The following ARID3B variants were observed in gnomAD, a reference collection of about 807,000 sequenced individuals.
ARID3B encodes AT-rich interactive domain-containing protein 3B.
A neutral mutation model predicts 51.9 loss-of-function variants in ARID3B; 10 were observed. That is an observed-to-expected ratio of 0.19 (90% CI 0.12 to 0.33). The LOEUF (loss-of-function observed/expected upper bound fraction) is 0.33, where lower values mean the gene tolerates loss of function less well. ARID3B is among the 10% of genes least tolerant of loss of function. The pLI, the probability that ARID3B is intolerant of heterozygous loss-of-function variation, is 1.00. For synonymous variants in ARID3B, 205 were observed against 279.5 expected, an observed-to-expected ratio of 0.73 and a Z score of 2.66; for missense variants, 483 against 716.3, an observed-to-expected ratio of 0.67 and a Z score of 3.72.
intron 1 of ARID3B, among the ~76,000 whole-genome samples, chr15:74,542,532 A>T (rs192198189): frequency 1.6e-4 from 24 of 152,342 alleles, no homozygotes; most frequent in Non-Finnish European, 3.2e-4. Context: ...TTTTTACTCT[A>T]ACCTGGAAAA....
chr15:74,587,399 C>CA lies in ARID3B; in HGVS notation c.698-2420dup, dbSNP rs1168591064. Among the ~76,000 whole-genome samples, 14 of 152,280 alleles carry CA rather than the reference C, an allele frequency of 9.2e-5. No homozygotes were observed. In the East Asian group the frequency reaches 2.7e-3, roughly 29 times the overall value. On this transcript the variant is annotated intron_variant, in intron 4 of 8. Coordinates refer to ENST00000346246, the MANE Select transcript of ARID3B (RefSeq NM_006465.4). ...GGGAGAGGAGAGGAGCCAGTGCTGA[C>CA]ACGAGGTTCCTGCCTTCCTGCCTAA...
In ARID3B at chr15:74,591,184, G is replaced by A. The variant is rs148734605; in HGVS notation, c.915G>A (p.Glu305=). The change falls in exon 6 of 9, where the codon GAG becomes GAA. Residue 305 remains glutamate (E), a synonymous_variant. Transcript: ENST00000346246. This position sits in a 1 kb window ranked among gnomAD's most constrained non-coding sequence, Gnocchi z 5.8. ...YMKYLYAYEC[E]KKALSSPAEL... ...AGTATCTGTATGCCTATGAGTGTGAGAAGAAAGCCTTGAGTTCCCCAGCCG... is the reference window on the plus strand; with the variant it reads ...AGTATCTGTATGCCTATGAGTGTGAAAAGAAAGCCTTGAGTTCCCCAGCCG... 1.2e-6 allele frequency: 2 copies of A among 1,611,968 alleles called. No homozygotes were observed. Among genetic ancestry groups the A allele is most frequent in the African/African-American group, 1.3e-5 (1 of 75,016 alleles).
At chr15:74,569,228 C>G (rs2061710518) in intron 2 of ARID3B, among the ~76,000 whole-genome samples, 1 of 152,174 alleles carries the variant, frequency 6.6e-6, no homozygotes, top group African/African-American at 2.4e-5. Flanking sequence ...CTGGTTAAGC[C>G]TGTAACCCAC....
rs1358231796 is a variant in ARID3B, at chr15:74,597,136, C to T, written c.*1362C>T. The T allele has an allele frequency of 4.0e-6, 1 of 250,264 alleles. No homozygotes were observed. Among genetic ancestry groups the T allele is most frequent in the Non-Finnish European group, 7.8e-6 (1 of 128,772 alleles). 15.5% of individuals were successfully genotyped at this position (250,264 alleles called of 1,614,324 possible). On this transcript the variant is annotated 3_prime_UTR_variant, in exon 9 of 9. Transcript: ENST00000346246. Reference sequence around the variant, plus strand: ...GGGCACAGGCAGGCTGGGGTCCTCGCTGGCCTTGCCAGAGGTTGAGCCGCC... The same window carrying T: ...GGGCACAGGCAGGCTGGGGTCCTCGTTGGCCTTGCCAGAGGTTGAGCCGCC...
intron 2 of ARID3B, among the ~76,000 whole-genome samples, chr15:74,555,199 C>A (rs933013974): frequency 2.7e-4 from 41 of 152,100 alleles, no homozygotes; most frequent in African/African-American, 8.9e-4. Flanking sequence ...GAGTTGTAAT[C>A]TTTTTGTTGA....
intron 2 of ARID3B, among the ~76,000 whole-genome samples, chr15:74,568,890 G>A (rs1249246783): frequency 6.6e-6 from 1 of 152,054 alleles, no homozygotes; most frequent in African/African-American, 2.4e-5. Flanking sequence ...CTGTTCCCTG[G>A]GCAGGTTAAA....
intron 1 of ARID3B, among the ~76,000 whole-genome samples, chr15:74,542,302 C>A (rs2061598219): frequency 6.6e-6 from 1 of 152,158 alleles, no homozygotes; most frequent in African/African-American, 2.4e-5. Flanking sequence ...TCTTGTCATG[C>A]TTTTTTACAC....
chr15:74,551,336 T>TA (rs2061636695), intron 2 of ARID3B, among the ~76,000 whole-genome samples: 1 of 152,258 alleles, frequency 6.6e-6, no homozygotes. Flanking sequence ...TATGTGAGCT[T>TA]AAACCATGGC....
At chr15:74,545,536 T>C (rs896828731) in intron 2 of ARID3B, among the ~76,000 whole-genome samples, 2 of 152,192 alleles carry the variant, frequency 1.3e-5, no homozygotes, top group Admixed American at 6.5e-5. Context: ...ATATAGTTTT[T>C]CCTCGCCCAA....
intron 4 of ARID3B, among the ~76,000 whole-genome samples, chr15:74,577,384 G>A (rs1446427588): frequency 1.3e-5 from 2 of 152,056 alleles, no homozygotes; most frequent in Non-Finnish European, 2.9e-5. Flanking sequence ...GAACCCGGGA[G>A]GCGGAGGTTG....
intron 4 of ARID3B, among the ~76,000 whole-genome samples, chr15:74,585,397 G>A (rs910261732): frequency 6.6e-6 from 1 of 152,210 alleles, no homozygotes; most frequent in Non-Finnish European, 1.5e-5. Flanking sequence ...TTGTGGACGT[G>A]AACTTCACAA....
intron 8 of ARID3B, among the ~76,000 whole-genome samples, chr15:74,594,384 C>G (rs1025853607): frequency 2.6e-5 from 4 of 152,066 alleles, no homozygotes; most frequent in African/African-American, 9.7e-5. Context: ...GGAGGCAGAG[C>G]TTGCAGTGAG....
chr15:74,549,587 A>T (rs1384313479), intron 2 of ARID3B, among the ~76,000 whole-genome samples: 1 of 152,016 alleles, frequency 6.6e-6, no homozygotes, highest in Admixed American at 6.5e-5. Flanking sequence ...AAAGGGAAAA[A>T]GAAAAGATAC....
At chr15:74,577,648 A>C (rs1484212431) in intron 4 of ARID3B, among the ~76,000 whole-genome samples, 2 of 152,082 alleles carry the variant, frequency 1.3e-5, no homozygotes, top group African/African-American at 2.4e-5. Context: ...CAGCCTCCTG[A>C]GAATCTGGGC....
At chr15:74,556,053 A>G (rs2061656441) in intron 2 of ARID3B, among the ~76,000 whole-genome samples, 1 of 151,908 alleles carries the variant, frequency 6.6e-6, no homozygotes, top group African/African-American at 2.4e-5. Flanking sequence ...CAGCCTCCGA[A>G]GGTGCTGGGA....
At chr15:74,573,770 C>A in intron 4 of ARID3B, 1 of 154,108 alleles carries the variant, frequency 6.5e-6, no homozygotes, top group Non-Finnish European at 1.4e-5. Context: ...GAGATGGAGT[C>A]TCGCTCTGTT....
At chr15:74,594,975 A>G (rs2061818903) in intron 8 of ARID3B, among the ~76,000 whole-genome samples, 1 of 152,108 alleles carries the variant, frequency 6.6e-6, no homozygotes, top group Non-Finnish European at 1.5e-5. Context: ...TGTCAAGGAG[A>G]AAGGAGAAGG....
At chr15:74,580,155 C>A (rs2061755832) in intron 4 of ARID3B, among the ~76,000 whole-genome samples, 1 of 152,118 alleles carries the variant, frequency 6.6e-6, no homozygotes, top group African/African-American at 2.4e-5. Flanking sequence ...TGCACCACAG[C>A]CTGAGCAACA....
intron 2 of ARID3B, among the ~76,000 whole-genome samples, chr15:74,558,398 T>C (rs957089168): frequency 6.6e-6 from 1 of 152,076 alleles, no homozygotes; most frequent in Non-Finnish European, 1.5e-5. Context: ...TAAAAAATGG[T>C]TTGTCGTAAT....
Sources: gnomAD v4.1 joint callset for allele counts (sites outside exome capture counted in the v4.1 genomes callset) on GRCh38, gnomAD v4.1.1 for gene constraint, Gnocchi (gnomAD v3.1) non-coding constraint, MANE v1.5 for transcripts, NCBI Gene and HGNC (gene_info 2026-07-23, HGNC 2026-07-21) for gene names.